BTNL9: variants seen among roughly 807,000 people sequenced by gnomAD.
BTNL9 encodes butyrophilin-like protein 9.
In BTNL9, 45 loss-of-function variants were observed where a neutral mutation model predicts 45.8. The observed-to-expected ratio is 0.98, with a 90% CI of 0.77 to 1.26. The LOEUF (loss-of-function observed/expected upper bound fraction) is 1.26, where lower values mean the gene tolerates loss of function less well. Ranked by LOEUF, BTNL9 falls within the 50% of genes most tolerant of loss-of-function variation. The probability of loss-of-function intolerance (pLI) is 0.00; values close to 1 mark genes in which losing one functional copy is unlikely to be tolerated. For synonymous variants in BTNL9, 346 were observed against 330.8 expected (o/e 1.05, Z -0.50); for missense variants, 784 against 729.7 (o/e 1.07, Z -0.86).
chr5:181,048,895 A>G (rs1231792781), intron 3 of BTNL9, among the ~76,000 whole-genome samples: 2 of 60,004 alleles, frequency 3.3e-5, no homozygotes, highest in South Asian at 7.0e-4. Context: ...CATATATATG[A>G]TATATAAATA....
In BTNL9 at chr5:181,055,226, G is replaced by A; in HGVS notation, c.908-207G>A. The A allele has an allele frequency of 4.9e-6, 7 of 1,432,596 alleles. No homozygotes were observed. Among genetic ancestry groups the A allele is most frequent in the Non-Finnish European group, 9.1e-7 (1 of 1,097,638 alleles). 88.7% of individuals were successfully genotyped at this position (1,432,596 alleles called of 1,614,324 possible). On this transcript the variant is annotated intron_variant, in intron 7 of 10. Coordinates refer to ENST00000327705, the MANE Select transcript of BTNL9 (RefSeq NM_152547.5). This position sits in a 1 kb window ranked among gnomAD's most constrained non-coding sequence, Gnocchi z 4.4. ...GCTGTGTGCAGATTTCCACCTTTGAGCTAAGATAGGATGAGGCATAAGAGT... is the reference window on the plus strand; with the variant it reads ...GCTGTGTGCAGATTTCCACCTTTGAACTAAGATAGGATGAGGCATAAGAGT...
chr5:181,048,931 T>A (rs1761383889), intron 3 of BTNL9, among the ~76,000 whole-genome samples: 1 of 139,906 alleles, frequency 7.1e-6, no homozygotes, highest in Admixed American at 7.3e-5. Flanking sequence ...TAATATATAT[T>A]ATATAATATA....
At position 181,059,626 on chromosome 5, in the gene BTNL9, G is replaced by A. The variant is rs1487969391; in HGVS notation, c.1372G>A (p.Gly458Arg). ...GGGCGTCTTCCTGGACTACGAGGCC[G>A]GAGAGCTGTCCTTCTTCAACGTGTC... ...RLGVFLDYEA[G>R]ELSFFNVSDG... Residue 458 changes from glycine (G) to arginine (R), a missense_variant, in exon 11 of 11, where the codon GGA (glycine) becomes AGA (arginine). Transcript: ENST00000327705. The A allele has an allele frequency of 6.8e-6, 11 of 1,613,432 alleles. No homozygotes were observed. Among genetic ancestry groups the A allele is most frequent in the South Asian group, 6.6e-5 (6 of 91,082 alleles).
Position 181,042,971 on chromosome 5 carries a change from G to A in BTNL9, c.-23-2496G>A, listed in dbSNP as rs1235958788. ...AATCTGAATTCGAGAAGTGCAGAGC[G>A]AGGCTCTGGAACCAGACAGTGGGTG... is the stretch of plus-strand genomic sequence containing the variant. On this transcript the variant is annotated intron_variant, in intron 1 of 10. Transcript: ENST00000327705. The surrounding 1 kb of genome is among the most constrained non-coding windows in gnomAD (Gnocchi z 4.5). 2.0e-5 allele frequency among the ~76,000 whole-genome samples: 3 copies of A among 152,046 alleles called. No individual in the cohort carries two copies. Among genetic ancestry groups the A allele is most frequent in the Admixed American group, 6.5e-5 (1 of 15,274 alleles).
rs1459741023 is a variant in BTNL9, at chr5:181,061,277, G to T, written c.*1415G>T. The T allele has an allele frequency of 6.6e-6, 1 of 152,188 alleles. No homozygotes were observed. Among genetic ancestry groups the T allele is most frequent in the Non-Finnish European group, 1.5e-5 (1 of 68,042 alleles). The allele number at this position is 152,188 out of a possible 1,614,324, so 9.4% of individuals were successfully genotyped here. A position where few individuals can be genotyped will look rare whatever the true frequency, so the allele number is the denominator to read the frequency against. On this transcript the variant is annotated 3_prime_UTR_variant, in exon 11 of 11. Coordinates refer to ENST00000327705, the MANE Select transcript of BTNL9 (RefSeq NM_152547.5). Reference sequence around the variant, plus strand: ...AAATGTAGTAAAATGACAACACTTGGTGACTCTAGGTGACTGGTCGACAGA... The same window carrying T: ...AAATGTAGTAAAATGACAACACTTGTTGACTCTAGGTGACTGGTCGACAGA...
intron 9 of BTNL9, 33 bp downstream of exon 9, chr5:181,056,048 T>G (rs201091963): frequency 8.7e-6 from 14 of 1,612,638 alleles, no homozygotes. Context: ...TGACTCCTCC[T>G]CATTTATATC....
chr5:181,041,456 C>T (rs543047804), intron 1 of BTNL9, among the ~76,000 whole-genome samples: 1 of 152,302 alleles, frequency 6.6e-6, no homozygotes, highest in South Asian at 2.1e-4. Context: ...AAGTTATTCA[C>T]CAGGGAACCA....
chr5:181,055,897 TGCGGGACAGG>T lies in BTNL9; in HGVS notation c.929-90_929-81del. The T allele has an allele frequency of 6.8e-7, 1 of 1,466,808 alleles. No homozygotes were observed. The highest frequency in any genetic ancestry group is 9.6e-7 in the Non-Finnish European group (1 of 1,046,132). The allele number at this position is 1,466,808 out of a possible 1,614,324, so 90.9% of individuals were successfully genotyped here. A position where few individuals can be genotyped will look rare whatever the true frequency, so the allele number is the denominator to read the frequency against. On this transcript the variant is annotated intron_variant, in intron 8 of 10. Transcript: ENST00000327705. This position sits in a 1 kb window ranked among gnomAD's most constrained non-coding sequence, Gnocchi z 4.4. ...TGCTGGCTATGTGGGTGGTGGGGGG[TGCGGGACAGG>T]GTGGGTGCAAGATGTGATGTGTGAG...
At chr5:181,041,736 T>C (rs986576291) in intron 1 of BTNL9, among the ~76,000 whole-genome samples, 1 of 152,240 alleles carries the variant, frequency 6.6e-6, no homozygotes, top group Non-Finnish European at 1.5e-5. Context: ...GTAATAAGAA[T>C]GATTTATATT....
Position 181,053,661 on chromosome 5 carries a change from A to G in BTNL9, c.886+160A>G. On this transcript the variant is annotated intron_variant, in intron 6 of 10. Coordinates refer to ENST00000327705, the MANE Select transcript of BTNL9 (RefSeq NM_152547.5). The surrounding 1 kb of genome is among the most constrained non-coding windows in gnomAD (Gnocchi z 6.5). ...GTGACCCCGGTGGGGAAGGGGGAAGATCGTTCATATGGACAAAAGCGGAGG... is the reference window on the plus strand; with the variant it reads ...GTGACCCCGGTGGGGAAGGGGGAAGGTCGTTCATATGGACAAAAGCGGAGG... The G allele has an allele frequency of 3.3e-6, 5 of 1,532,466 alleles. No homozygotes were observed. The South Asian group carries it at 6.2e-5, about 19-fold the overall frequency. 94.9% of individuals were successfully genotyped at this position (1,532,466 alleles called of 1,614,324 possible).
At position 181,059,506 on chromosome 5, in the gene BTNL9, G is replaced by C; in HGVS notation, c.1252G>C (p.Gly418Arg). The C allele has an allele frequency of 6.3e-7, 1 of 1,584,974 alleles. No individual in the cohort carries two copies. Among genetic ancestry groups the C allele is most frequent in the Non-Finnish European group, 8.6e-7 (1 of 1,169,100 alleles). ...GCCTGCGCGCCTGAGCCCTGCGGCC[G>C]GCTACTGGGTGCTGGGGCTGTGGAA... is the stretch of plus-strand genomic sequence containing the variant. ...AGPARLSPAA[G>R]YWVLGLWNGC... The change falls in exon 11 of 11, where the codon GGC (glycine) becomes CGC (arginine). Residue 418 changes from glycine (G) to arginine (R), a missense_variant. Coordinates refer to ENST00000327705, the MANE Select transcript of BTNL9 (RefSeq NM_152547.5).
At chr5:181,046,358 C>A (rs1761150320) in intron 2 of BTNL9, among the ~76,000 whole-genome samples, 1 of 152,028 alleles carries the variant, frequency 6.6e-6, no homozygotes, top group Non-Finnish European at 1.5e-5. Context: ...GCACACTTCC[C>A]AGCACTCCGA....
chr5:181,055,071 A>ACGTAGG lies in BTNL9; in HGVS notation c.908-359_908-354dup. The ACGTAGG allele has an allele frequency of 9.2e-7, 1 of 1,089,388 alleles. No homozygotes were observed. The highest frequency in any genetic ancestry group is 4.7e-5 in the Admixed American group (1 of 21,488). 67.5% of individuals were successfully genotyped at this position (1,089,388 alleles called of 1,614,324 possible). On this transcript the variant is annotated intron_variant, in intron 7 of 10. Coordinates refer to ENST00000327705, the MANE Select transcript of BTNL9 (RefSeq NM_152547.5). The surrounding 1 kb of genome is among the most constrained non-coding windows in gnomAD (Gnocchi z 4.4). ...CACCCGGTGAGTGACCGTGAGGCTC[A>ACGTAGG]CGTAGGCGGCCCTCAGTGCCTGCAC...
At chr5:181,056,607 T>C (rs1024792646) in intron 9 of BTNL9, 21 of 717,354 alleles carry the variant, frequency 2.9e-5, no homozygotes, top group Non-Finnish European at 4.9e-5. Flanking sequence ...ACAACAACAC[T>C]GAATGCATAG....
rs563769133 is a variant in BTNL9, at chr5:181,058,943, C to T, written c.983-294C>T. ...CAGCCCATAGGTCCTTCCCCTTGAC[C>T]GGGACGTGGCTCCCTCCCCGCCAGC... is the stretch of plus-strand genomic sequence containing the variant. On this transcript the variant is annotated intron_variant, in intron 10 of 10. Coordinates refer to ENST00000327705, the MANE Select transcript of BTNL9 (RefSeq NM_152547.5). 2.6e-5 allele frequency among the ~76,000 whole-genome samples: 4 copies of T among 152,204 alleles called. No individual in the cohort carries two copies. In the South Asian group the frequency reaches 6.2e-4, roughly 24 times the overall value.
chr5:181,040,753 A>C (rs1760735438), intron 1 of BTNL9, among the ~76,000 whole-genome samples: 1 of 152,116 alleles, frequency 6.6e-6, no homozygotes, highest in African/African-American at 2.4e-5. Flanking sequence ...CCTCTTGTGG[A>C]CCTATCGAAA....
intron 4 of BTNL9, among the ~76,000 whole-genome samples, chr5:181,052,048 G>C (rs1480276044): frequency 2.0e-5 from 3 of 151,988 alleles, no homozygotes; most frequent in African/African-American, 7.3e-5. Context: ...ACAGGTCAGA[G>C]AGACAGTCCG....
intron 1 of BTNL9, among the ~76,000 whole-genome samples, chr5:181,044,460 G>A (rs1384876977): frequency 1.3e-5 from 2 of 152,182 alleles, no homozygotes; most frequent in Non-Finnish European, 2.9e-5. Context: ...GTCCCAGGAC[G>A]AAGACAGTGC....
intron 1 of BTNL9, among the ~76,000 whole-genome samples, chr5:181,044,164 G>A (rs1760960948): frequency 6.6e-6 from 1 of 152,136 alleles, no homozygotes; most frequent in African/African-American, 2.4e-5. Flanking sequence ...GGTCCCTGGG[G>A]AGCCTCTACC....
Sources: allele counts gnomAD v4.1 joint callset (sites outside exome capture counted in the v4.1 genomes callset), GRCh38; gene constraint gnomAD v4.1.1; non-coding constraint Gnocchi (gnomAD v3.1); transcripts MANE v1.5; gene names NCBI Gene and HGNC (gene_info 2026-07-23, HGNC 2026-07-21).